Variants in ROBO2 observed in about 807,000 individuals in gnomAD.
ROBO2 encodes roundabout homolog 2.
ROBO2 carries 53 observed loss-of-function variants against 160.8 expected under a neutral mutation model. The observed-to-expected ratio is 0.33, with a 90% confidence interval of 0.26 to 0.41. The LOEUF (loss-of-function observed/expected upper bound fraction) is 0.41, where lower values mean the gene tolerates loss of function less well. Ranked by LOEUF, ROBO2 falls within the 10% of genes least tolerant of loss-of-function variation. The pLI, the probability that ROBO2 is intolerant of heterozygous loss-of-function variation, is 1.00. For missense variants in ROBO2, 1,577 were observed against 1,722.4 expected, an observed-to-expected ratio of 0.92 and a Z score of 1.49; for synonymous variants, 664 against 611.7, an observed-to-expected ratio of 1.09 and a Z score of -1.26.
chr3:76,154,542 T>C (rs1261265253), intron 2 of ROBO2, among the ~76,000 whole-genome samples: 1 of 152,154 alleles, frequency 6.6e-6, no homozygotes, highest in East Asian at 1.9e-4. Context: ...ACAAGATAAC[T>C]ATTTAGAAAT....
At chr3:76,358,193 G>GT (rs1042328035) in intron 2 of ROBO2, among the ~76,000 whole-genome samples, 5 of 151,874 alleles carry the variant, frequency 3.3e-5, no homozygotes, top group Non-Finnish European at 5.9e-5. Context: ...CCATGACTGT[G>GT]TAAGAGTCCC....
chr3:76,447,595 A>T (rs1218319636), intron 2 of ROBO2, among the ~76,000 whole-genome samples: 1 of 150,410 alleles, frequency 6.6e-6, no homozygotes, highest in Non-Finnish European at 1.5e-5. Context: ...AGGCACACGT[A>T]TGTATATTGC....
At chr3:76,904,468 C>G (rs980439843) in intron 2 of ROBO2, among the ~76,000 whole-genome samples, 4 of 152,156 alleles carry the variant, frequency 2.6e-5, no homozygotes, top group Admixed American at 6.6e-5. Flanking sequence ...TAATAATATA[C>G]TAGGGCTTAA....
intron 2 of ROBO2, among the ~76,000 whole-genome samples, chr3:76,689,891 C>T (rs1323974716): frequency 2.6e-5 from 4 of 152,136 alleles, no homozygotes; most frequent in Admixed American, 6.6e-5. Flanking sequence ...TCTTTGCTTA[C>T]GTTTCCCAAC....
intron 13 of ROBO2, 41 bp from the exon 15 acceptor site, chr3:77,574,458 A>G (rs747322384): frequency 8.6e-6 from 13 of 1,515,352 alleles, no homozygotes; most frequent in Non-Finnish European, 1.2e-5. Flanking sequence ...TGTCTAAAAT[A>G]CTTTCCTTTA....
At chr3:76,227,793 G>A (rs777477020) in intron 2 of ROBO2, among the ~76,000 whole-genome samples, 1 of 152,078 alleles carries the variant, frequency 6.6e-6, no homozygotes, top group Non-Finnish European at 1.5e-5. Flanking sequence ...TAACACATCC[G>A]CTGGGGATTC....
chr3:76,679,378 A>G (rs954435029), intron 2 of ROBO2, among the ~76,000 whole-genome samples: 1 of 151,844 alleles, frequency 6.6e-6, no homozygotes, highest in Non-Finnish European at 1.5e-5. Flanking sequence ...TTAGGAGTCA[A>G]CTCTCCTTTA....
intron 2 of ROBO2, among the ~76,000 whole-genome samples, chr3:77,215,022 T>C (rs1049699409): frequency 6.6e-6 from 1 of 152,180 alleles, no homozygotes; most frequent in Non-Finnish European, 1.5e-5. Flanking sequence ...ATTTTTTCCT[T>C]CATTTCAACT....
At chr3:76,268,870 A>G (rs902682785) in intron 2 of ROBO2, among the ~76,000 whole-genome samples, 1 of 152,154 alleles carries the variant, frequency 6.6e-6, no homozygotes, top group African/African-American at 2.4e-5. Context: ...TGTATTGAGT[A>G]TAGACACATA....
chr3:77,626,372 C>G (rs1332627910), intron 23 of ROBO2, among the ~76,000 whole-genome samples: 2 of 152,090 alleles, frequency 1.3e-5, no homozygotes, highest in Non-Finnish European at 2.9e-5. Context: ...GCACTTTTTG[C>G]AATGAACCTC....
chr3:76,322,205 A>ATATATATATAT (rs1559761668), intron 2 of ROBO2, among the ~76,000 whole-genome samples: 5 of 97,586 alleles, frequency 5.1e-5, no homozygotes, highest in South Asian at 3.2e-4. Flanking sequence ...TATATATATA[A>ATATATATATAT]TATACACACA....
chr3:77,243,005 A>G (rs6548491), intron 2 of ROBO2, among the ~76,000 whole-genome samples: 130,518 of 150,876 alleles, frequency 0.87, 56,539 homozygotes, highest in East Asian at 0.99. Context: ...TTCTGTGTCT[A>G]TGAGAGAGAG....
intron 2 of ROBO2, among the ~76,000 whole-genome samples, chr3:76,987,021 C>T (rs2060415757): frequency 6.6e-6 from 1 of 152,106 alleles, no homozygotes; most frequent in Admixed American, 6.6e-5. Flanking sequence ...CAAAAGCATG[C>T]ATATTAGATT....
chr3:77,248,914 G>C (rs1369498859), intron 2 of ROBO2, among the ~76,000 whole-genome samples: 1 of 151,848 alleles, frequency 6.6e-6, no homozygotes, highest in East Asian at 1.9e-4. Context: ...GTGTCAGTCT[G>C]TTACCCAGGC....
Position 76,572,100 on chromosome 3 carries a change from G to A in ROBO2, c.110-525914G>A, listed in dbSNP as rs369876842. Among the ~76,000 whole-genome samples, 41 of 152,156 alleles carry A rather than the reference G, an allele frequency of 2.7e-4. 2 individuals are homozygous for A. The highest frequency in any genetic ancestry group is 2.5e-3 in the South Asian group (12 of 4,820). Reference sequence around the variant, plus strand: ...AAATGCTTTCTATAAATAATATGTGGCACTTACTATGTGTCAAAGACTGCC... The same window carrying A: ...AAATGCTTTCTATAAATAATATGTGACACTTACTATGTGTCAAAGACTGCC... On this transcript the variant is annotated intron_variant, in intron 2 of 26. Transcript: ENST00000487694.
intron 1 of ROBO2, among the ~76,000 whole-genome samples, chr3:77,044,606 T>G (rs2064452463): frequency 6.6e-6 from 1 of 152,106 alleles, no homozygotes; most frequent in Non-Finnish European, 1.5e-5. Context: ...GTGAAGAAGA[T>G]AGGTGAGGGT....
At chr3:77,198,589 A>G (rs755886917) in intron 2 of ROBO2, among the ~76,000 whole-genome samples, 61 of 152,172 alleles carry the variant, frequency 4.0e-4, no homozygotes, top group Non-Finnish European at 6.0e-4. Context: ...CCGGGCCCCA[A>G]AATATTTCTT....
At chr3:77,030,281 T>C (rs953878568) in intron 2 of ROBO2, among the ~76,000 whole-genome samples, 1 of 152,242 alleles carries the variant, frequency 6.6e-6, no homozygotes, top group Non-Finnish European at 1.5e-5. Context: ...TAGATTTTTT[T>C]AAGTAAACTT....
chr3:76,359,721 T>C (rs1043844990), intron 2 of ROBO2, among the ~76,000 whole-genome samples: 2 of 152,066 alleles, frequency 1.3e-5, no homozygotes, highest in Non-Finnish European at 2.9e-5. Context: ...TATATGTCAT[T>C]TGATTCATAT....
Sources: allele counts gnomAD v4.1 joint callset (sites outside exome capture counted in the v4.1 genomes callset), GRCh38; gene constraint gnomAD v4.1.1; transcripts MANE v1.5; gene names NCBI Gene and HGNC (gene_info 2026-07-23, HGNC 2026-07-21).